The following FIGN variants were observed in gnomAD, a reference collection of about 807,000 sequenced individuals.
FIGN encodes the protein fidgetin, microtubule severing factor.
Under a neutral mutation model 51.3 loss-of-function variants are expected in FIGN, and 11 were observed. The ratio of observed to expected loss-of-function variants is 0.21; its 90% CI spans 0.13 to 0.35. FIGN has a LOEUF of 0.35. Among genes scored for constraint, FIGN ranks in the 10% least tolerant of loss-of-function variants. FIGN has a pLI of 1.00. For synonymous variants in FIGN, 407 were observed against 363.2 expected (o/e 1.12, Z -1.37); for missense variants, 857 against 943.6 (o/e 0.91, Z 1.20).
intron 2 of FIGN, among the ~76,000 whole-genome samples, chr2:163,706,848 A>G (rs756000955): frequency 2.0e-5 from 3 of 152,176 alleles, no homozygotes; most frequent in Non-Finnish European, 4.4e-5. Context: ...TTTCTTTTCT[A>G]GAGCAATAAT....
At chr2:163,612,427 C>G in intron 2 of FIGN, 2 of 985,302 alleles carry the variant, frequency 2.0e-6, no homozygotes, top group Non-Finnish European at 2.4e-6. Context: ...TAATCCAACT[C>G]TCATCTAAAG....
Position 163,704,656 on chromosome 2 carries a change from TCACACA to T in FIGN, c.25+30241_25+30246del, listed in dbSNP as rs369275881. 4.6e-3 allele frequency among the ~76,000 whole-genome samples: 591 copies of T among 129,768 alleles called. 8 individuals are homozygous for T. Among genetic ancestry groups the T allele is most frequent in the African/African-American group, 0.015 (486 of 31,752 alleles). The allele number at this position is 129,768 out of a possible 152,430, so 85.1% of individuals were successfully genotyped here. On this transcript the variant is annotated intron_variant, in intron 2 of 2. Coordinates refer to ENST00000333129, the MANE Select transcript of FIGN (RefSeq NM_018086.4). ...CTCTCTCTCTCTCTCTCTCTCTCTC[TCACACA>T]CACACACACACACACACACACACAC...
At chr2:163,623,319 C>G (rs1446394989) in intron 2 of FIGN, among the ~76,000 whole-genome samples, 1 of 152,106 alleles carries the variant, frequency 6.6e-6, no homozygotes, top group Non-Finnish European at 1.5e-5. Context: ...TTTTCTTTGG[C>G]TACATATTTA....
intron 2 of FIGN, among the ~76,000 whole-genome samples, chr2:163,643,050 C>T (rs756892736): frequency 1.3e-4 from 20 of 152,048 alleles, no homozygotes; most frequent in African/African-American, 4.6e-4. Context: ...AAAATTCATA[C>T]GAAATTGCCA....
chr2:163,640,772 T>C (rs1218410675), intron 2 of FIGN, among the ~76,000 whole-genome samples: 1 of 152,194 alleles, frequency 6.6e-6, no homozygotes, highest in Admixed American at 6.5e-5. Flanking sequence ...GAGAGTCCTC[T>C]TATACTAAAG....
intron 2 of FIGN, among the ~76,000 whole-genome samples, chr2:163,714,020 G>C (rs1684628904): frequency 6.6e-6 from 1 of 152,122 alleles, no homozygotes; most frequent in Admixed American, 6.5e-5. Flanking sequence ...GTCAGCTCGG[G>C]CACTTGCACA....
intron 2 of FIGN, among the ~76,000 whole-genome samples, chr2:163,634,019 A>T (rs982393): frequency 0.87 from 132,074 of 151,858 alleles, 57,538 homozygotes; most frequent in Middle Eastern, 0.92. Flanking sequence ...GTCAGCTTCA[A>T]CTCTTTTCAG....
chr2:163,624,691 CAT>C (rs55969954), intron 2 of FIGN, among the ~76,000 whole-genome samples: 35 of 141,280 alleles, frequency 2.5e-4, no homozygotes, highest in South Asian at 6.8e-4. Flanking sequence ...TATATACATA[CAT>C]ATATATATAT....
Position 163,609,451 on chromosome 2 carries a change from T to G in FIGN, c.*101A>C. 1.0e-6 allele frequency: 1 copy of G among 1,004,848 alleles called. No homozygotes were observed. The highest frequency in any genetic ancestry group is 1.4e-6 in the Non-Finnish European group (1 of 692,684). 62.2% of individuals were successfully genotyped at this position (1,004,848 alleles called of 1,614,324 possible). ...TAATCGTCATCTTCCCCAGTACCCT[T>G]TGCAATTTAAACTCTACTGGAAAGG... On this transcript the variant is annotated 3_prime_UTR_variant, in exon 3 of 3. Coordinates refer to ENST00000333129, the MANE Select transcript of FIGN (RefSeq NM_018086.4).
intron 2 of FIGN, among the ~76,000 whole-genome samples, chr2:163,646,321 C>T (rs2105319187): frequency 6.6e-6 from 1 of 152,060 alleles, no homozygotes; most frequent in Non-Finnish European, 1.5e-5. Flanking sequence ...AAGTAACAAA[C>T]AATTGCTGCC....
chr2:163,627,394 C>A (rs778017320), intron 2 of FIGN, among the ~76,000 whole-genome samples: 2 of 152,030 alleles, frequency 1.3e-5, no homozygotes, highest in Non-Finnish European at 2.9e-5. Flanking sequence ...ATGCATGAAA[C>A]AGATTCTAGT....
chr2:163,664,634 G>A (rs1007212306), intron 2 of FIGN, among the ~76,000 whole-genome samples: 6 of 152,068 alleles, frequency 3.9e-5, no homozygotes, highest in African/African-American at 7.3e-5. Context: ...AAATCTACTC[G>A]TAGGCCAGAG....
chr2:163,729,224 T>C (rs1418770533), intron 2 of FIGN, among the ~76,000 whole-genome samples: 2 of 152,102 alleles, frequency 1.3e-5, no homozygotes, highest in African/African-American at 4.8e-5. Context: ...ATATTTCATA[T>C]ATCTACATAC....
intron 2 of FIGN, among the ~76,000 whole-genome samples, chr2:163,651,227 C>A (rs1683470290): frequency 6.6e-6 from 1 of 152,090 alleles, no homozygotes; most frequent in Admixed American, 6.5e-5. Context: ...CTTTGGGAGG[C>A]CAAGGCATGT....
chr2:163,687,785 T>C (rs1684173045), intron 2 of FIGN, among the ~76,000 whole-genome samples: 1 of 152,230 alleles, frequency 6.6e-6, no homozygotes, highest in African/African-American at 2.4e-5. Context: ...GTAAAATTCC[T>C]GTTTTTCAAA....
chr2:163,683,964 A>G (rs1684105698), intron 2 of FIGN, among the ~76,000 whole-genome samples: 1 of 152,178 alleles, frequency 6.6e-6, no homozygotes, highest in Non-Finnish European at 1.5e-5. Context: ...TTTTTCCTGT[A>G]TCATCCTGTC....
chr2:163,608,631 A>G lies in FIGN; in HGVS notation c.*921T>C, dbSNP rs1691162935. On this transcript the variant is annotated 3_prime_UTR_variant, in exon 3 of 3. Coordinates refer to ENST00000333129, the MANE Select transcript of FIGN (RefSeq NM_018086.4). Reference sequence around the variant, plus strand: ...AATTATCAAGGAGCAATGTACTAAGAACTCTTGCAGTTATTGACATAAAGA... The same window carrying G: ...AATTATCAAGGAGCAATGTACTAAGGACTCTTGCAGTTATTGACATAAAGA... 1 of 152,260 alleles carries G rather than the reference A, an allele frequency of 6.6e-6. No individual in the cohort carries two copies. The highest frequency in any genetic ancestry group is 2.1e-4 in the South Asian group (1 of 4,836). The allele number at this position is 152,260 out of a possible 1,614,324, so 9.4% of individuals were successfully genotyped here. A position where few individuals can be genotyped will look rare whatever the true frequency, so the allele number is the denominator to read the frequency against.
At chr2:163,677,187 C>T (rs1055115349) in intron 2 of FIGN, among the ~76,000 whole-genome samples, 5 of 152,272 alleles carry the variant, frequency 3.3e-5, no homozygotes, top group African/African-American at 9.6e-5. Context: ...ATGGCTTATT[C>T]CCTGCATGGA....
At chr2:163,735,220 C>G in intron 1 of FIGN, 148 bp from the exon 2 acceptor site, 1 of 435,332 alleles carries the variant, frequency 2.3e-6, no homozygotes, top group Non-Finnish European at 4.1e-6. Context: ...ACAAGAGCTC[C>G]GGGGAGGACG....
Sources: allele counts gnomAD v4.1 joint callset (sites outside exome capture counted in the v4.1 genomes callset), GRCh38; gene constraint gnomAD v4.1.1; transcripts MANE v1.5; gene names NCBI Gene and HGNC (gene_info 2026-07-23, HGNC 2026-07-21).